Variants in ARHGEF10L observed in about 807,000 individuals in gnomAD.
The protein encoded by ARHGEF10L is rho guanine nucleotide exchange factor 10-like protein.
Under a neutral mutation model 141.2 loss-of-function variants are expected in ARHGEF10L, and 69 were observed. The ratio of observed to expected loss-of-function variants is 0.49; its 90% confidence interval spans 0.40 to 0.60. The LOEUF (loss-of-function observed/expected upper bound fraction) is 0.60. Among genes scored for constraint, ARHGEF10L ranks in the 20% least tolerant of loss-of-function variants. ARHGEF10L has a pLI of 0.00. For missense variants in ARHGEF10L, 1,482 were observed against 1,734.3 expected (o/e 0.85, Z 2.58); for synonymous variants, 711 against 718.5 (o/e 0.99, Z 0.17).
chr1:17,552,007 G>T (rs575843318), intron 1 of ARHGEF10L, among the ~76,000 whole-genome samples: 133 of 152,316 alleles, frequency 8.7e-4, no homozygotes, highest in South Asian at 4.1e-3. Flanking sequence ...CTGGGCTGCT[G>T]CTGGGAGCCA....
Position 17,639,609 on chromosome 1 carries a change from A to G in ARHGEF10L, c.2172-593A>G, listed in dbSNP as rs573903970. The G allele has an allele frequency of 2.8e-6, 1 of 352,716 alleles. No individual in the cohort carries two copies. The highest frequency in any genetic ancestry group is 2.2e-5 in the African/African-American group (1 of 46,472). The allele number at this position is 352,716 out of a possible 1,614,324, so 21.8% of individuals were successfully genotyped here. A position where few individuals can be genotyped will look rare whatever the true frequency, so the allele number is the denominator to read the frequency against. ...CACGTGCACCCTAGAGGCTTGTGAC[A>G]CTGCCCTGCCCACCTCCCAAAGGGC... On this transcript the variant is annotated intron_variant, in intron 20 of 28. Coordinates refer to ENST00000361221, the MANE Select transcript of ARHGEF10L (RefSeq NM_018125.4). This position sits in a 1 kb window ranked among gnomAD's most constrained non-coding sequence, Gnocchi z 4.3.
chr1:17,675,037 C>G (rs115548884), intron 26 of ARHGEF10L, among the ~76,000 whole-genome samples: 3 of 152,294 alleles, frequency 2.0e-5, no homozygotes, highest in African/African-American at 7.2e-5. Context: ...TTGACTGTGG[C>G]TTGAGTCTTT....
At chr1:17,543,372 C>T (rs1413689800) in intron 1 of ARHGEF10L, among the ~76,000 whole-genome samples, 3 of 152,086 alleles carry the variant, frequency 2.0e-5, no homozygotes, top group East Asian at 1.9e-4. Context: ...CCCCTGAGGT[C>T]GGGAGTTCGA....
chr1:17,665,991 T>G (rs925290455), intron 26 of ARHGEF10L, among the ~76,000 whole-genome samples: 4 of 152,216 alleles, frequency 2.6e-5, no homozygotes, highest in Admixed American at 2.6e-4. Flanking sequence ...TGCTTCAGTG[T>G]GATTCTGAAG....
chr1:17,527,093 G>A, the ARHGEF10L span, among the ~76,000 whole-genome samples: 5 of 152,106 alleles, frequency 3.3e-5, no homozygotes, highest in Non-Finnish European at 5.9e-5. Context: ...CTACAAAACT[G>A]GGCCACAGGC....
Position 17,639,809 on chromosome 1 carries a change from G to A in ARHGEF10L, c.2172-393G>A, listed in dbSNP as rs774167155. ...TGCCAGGTGCTGGGAACAGACCCAA[G>A]TGAGACCCATTCCTCCCTCTAGAGG... On this transcript the variant is annotated intron_variant, in intron 20 of 28. Transcript: ENST00000361221. This position sits in a 1 kb window ranked among gnomAD's most constrained non-coding sequence, Gnocchi z 4.3. 5.5e-5 allele frequency: 72 copies of A among 1,309,828 alleles called. No individual in the cohort carries two copies. Among genetic ancestry groups the A allele is most frequent in the Non-Finnish European group, 7.2e-5 (72 of 1,000,282 alleles). The allele number at this position is 1,309,828 out of a possible 1,614,324, so 81.1% of individuals were successfully genotyped here.
chr1:17,565,016 A>G (rs2077692221), intron 1 of ARHGEF10L, among the ~76,000 whole-genome samples: 1 of 152,168 alleles, frequency 6.6e-6, no homozygotes, highest in Non-Finnish European at 1.5e-5. Context: ...CTGTAACGAA[A>G]TGCCGTGACT....
intron 26 of ARHGEF10L, among the ~76,000 whole-genome samples, chr1:17,676,709 C>A (rs1246203209): frequency 6.6e-6 from 1 of 151,962 alleles, no homozygotes; most frequent in Non-Finnish European, 1.5e-5. Flanking sequence ...AAGTCAAGGC[C>A]CCCCAGGCTG....
At position 17,615,388 on chromosome 1, in the gene ARHGEF10L, TGCTAC is replaced by T. The variant is rs939892898; in HGVS notation, c.727-702_727-698del. 5.9e-5 allele frequency: 9 copies of T among 152,364 alleles called. No homozygotes were observed. Among genetic ancestry groups the T allele is most frequent in the African/African-American group, 1.9e-4 (8 of 41,582 alleles). 9.4% of individuals were successfully genotyped at this position (152,364 alleles called of 1,614,324 possible). On this transcript the variant is annotated intron_variant, in intron 8 of 28. Transcript: ENST00000361221. This position sits in a 1 kb window ranked among gnomAD's most constrained non-coding sequence, Gnocchi z 4.7. Reference sequence around the variant, plus strand: ...CTTACGTCTCATGTTCTGCTTAGCTTGCTACGCTCGTGTCCATGGATCCCCTCCCC... The same window carrying T: ...CTTACGTCTCATGTTCTGCTTAGCTTGCTCGTGTCCATGGATCCCCTCCCC...
In ARHGEF10L at chr1:17,697,521, CTT is replaced by C. The variant is rs1423779634; in HGVS notation, c.*142_*143del. Reference sequence around the variant, plus strand: ...ACTTGGGCAGAGCAAAGGAAAACCTCTTGTTTTAAAAAAATTTTTTTCAGAGT... The same window carrying C: ...ACTTGGGCAGAGCAAAGGAAAACCTCGTTTTAAAAAAATTTTTTTCAGAGT... On this transcript the variant is annotated 3_prime_UTR_variant, in exon 29 of 29. Coordinates refer to ENST00000361221, the MANE Select transcript of ARHGEF10L (RefSeq NM_018125.4). This position sits in a 1 kb window ranked among gnomAD's most constrained non-coding sequence, Gnocchi z 4.8. 4 of 1,231,442 alleles carry C rather than the reference CTT, an allele frequency of 3.2e-6. No individual in the cohort carries two copies. The highest frequency in any genetic ancestry group is 3.3e-6 in the Non-Finnish European group (3 of 898,768). 76.3% of individuals were successfully genotyped at this position (1,231,442 alleles called of 1,614,324 possible).
rs1377815613 is a variant in ARHGEF10L at position 17,653,591 on chromosome 1, C to T, written c.2395-1045C>T. On this transcript the variant is annotated intron_variant, in intron 22 of 28. Transcript: ENST00000361221. ...CAGAGAAGACAGGGAGCCCAGAGGC[C>T]GGGCTTAGCGAAGCCCCCTGCTCTG... is the stretch of plus-strand genomic sequence containing the variant. Among the ~76,000 whole-genome samples the T allele has an allele frequency of 3.9e-5, 6 of 152,342 alleles. No individual in the cohort carries two copies. In the East Asian group the frequency reaches 5.8e-4, roughly 15 times the overall value.
intron 27 of ARHGEF10L, among the ~76,000 whole-genome samples, chr1:17,688,967 A>C (rs1223700363): frequency 6.6e-6 from 1 of 152,072 alleles, no homozygotes; most frequent in Non-Finnish European, 1.5e-5. Context: ...AATAACTGCC[A>C]CCCTGCCCGG....
At chr1:17,595,649 C>T (rs919805434) in intron 4 of ARHGEF10L, among the ~76,000 whole-genome samples, 1 of 152,110 alleles carries the variant, frequency 6.6e-6, no homozygotes, top group African/African-American at 2.4e-5. Flanking sequence ...TGGAAGCCCT[C>T]TGTGCACAGG....
chr1:17,623,968 C>T lies in ARHGEF10L; in HGVS notation c.1201-419C>T, dbSNP rs2060242339. The stretch of plus-strand genomic sequence containing the variant: ...TGGTAACTCAACTCTGGGCACGCTG[C>T]CCGGTGAGAGGCCAGGAGCACTTTC... On this transcript the variant is annotated intron_variant, in intron 12 of 28. Transcript: ENST00000361221. The surrounding 1 kb of genome is among the most constrained non-coding windows in gnomAD (Gnocchi z 4.7). Among the ~76,000 whole-genome samples the T allele has an allele frequency of 6.6e-6, 1 of 152,168 alleles. No homozygotes were observed. The highest frequency in any genetic ancestry group is 6.5e-5 in the Admixed American group (1 of 15,282).
chr1:17,529,154 C>T, the ARHGEF10L span, among the ~76,000 whole-genome samples: 1 of 152,094 alleles, frequency 6.6e-6, no homozygotes, highest in African/African-American at 2.4e-5. Context: ...AGGCATGCAC[C>T]ACCACACCCA....
chr1:17,602,140 G>A lies in ARHGEF10L; in HGVS notation c.271G>A (p.Val91Met). The A allele has an allele frequency of 6.4e-7, 1 of 1,574,150 alleles. No individual in the cohort carries two copies. Among genetic ancestry groups the A allele is most frequent in the East Asian group, 2.3e-5 (1 of 42,632 alleles). The change falls in exon 5 of 29, where the codon GTG becomes ATG. Residue 91 changes from valine (V) to methionine (M), a missense_variant. By Grantham distance (21) the Val-to-Met change is conservative (BLOSUM62 1). Around this residue, in one of 3 missense-constraint regions of ARHGEF10L, gnomAD observed 232 missense variants for 225.9 expected, o/e 1.03. Transcript: ENST00000361221. ...APPGTGVPAW[V>M]SNGDAADAAF... ...TCTTGCCCGCAGGGTGCCAGCCTGG[G>A]TGAGCAATGGGGATGCAGCGGACGC...
intron 2 of ARHGEF10L, among the ~76,000 whole-genome samples, chr1:17,582,975 C>G (rs2078707760): frequency 6.6e-6 from 1 of 151,488 alleles, no homozygotes. Context: ...GCCTATAATC[C>G]TAGCACTTTG....
chr1:17,623,061 GTTC>G lies in ARHGEF10L; in HGVS notation c.1090_1092del (p.Phe364del), dbSNP rs746290249. On this transcript the variant is annotated inframe_deletion, in exon 12 of 29. Transcript: ENST00000361221. This position sits in a 1 kb window ranked among gnomAD's most constrained non-coding sequence, Gnocchi z 4.7. ...TGAGCGCCCGCAAGTGCCAGGTGGT[GTTC>G]TTCCGCGTGAAGGAGATCCTGCACT... 6.2e-7 allele frequency: 1 copy of G among 1,614,172 alleles called. No individual in the cohort carries two copies. Among genetic ancestry groups the G allele is most frequent in the Non-Finnish European group, 8.5e-7 (1 of 1,180,012 alleles).
rs898323180 is a variant in ARHGEF10L, at chr1:17,558,415, G to A, written c.-44+18465G>A. On this transcript the variant is annotated intron_variant, in intron 1 of 28. Coordinates refer to ENST00000361221, the MANE Select transcript of ARHGEF10L (RefSeq NM_018125.4). The surrounding 1 kb of genome is among the most constrained non-coding windows in gnomAD (Gnocchi z 4.2). ...TTGCCTTCAAGGAACTCACAGTCTA[G>A]TGGGCTGTCAGAAAACTAAGCAAAT... Among the ~76,000 whole-genome samples the A allele has an allele frequency of 2.0e-5, 3 of 152,240 alleles. No individual in the cohort carries two copies. Among genetic ancestry groups the A allele is most frequent in the African/African-American group, 4.8e-5 (2 of 41,464 alleles).
Sources: gnomAD v4.1 joint callset for allele counts (sites outside exome capture counted in the v4.1 genomes callset) on GRCh38, gnomAD v4.1.1 for gene constraint, gnomAD v4.1.1 regional missense constraint, Gnocchi (gnomAD v3.1) non-coding constraint, MANE v1.5 for transcripts, NCBI Gene and HGNC (gene_info 2026-07-23, HGNC 2026-07-21) for gene names.